The following APP variants were observed in gnomAD, a reference collection of about 807,000 sequenced individuals.
The protein encoded by APP is amyloid beta precursor protein.
APP carries 31 observed loss-of-function variants against 101.4 expected under a neutral mutation model. The ratio of observed to expected loss-of-function variants is 0.31; its 90% CI spans 0.23 to 0.41. The LOEUF (loss-of-function observed/expected upper bound fraction) is 0.41. Ranked by LOEUF, APP falls within the 10% of genes least tolerant of loss-of-function variation. The probability of loss-of-function intolerance (pLI) is 1.00; values close to 1 mark genes in which losing one functional copy is unlikely to be tolerated. For missense variants in APP, 839 were observed against 1,003.7 expected (o/e 0.84, Z 2.22); for synonymous variants, 366 against 364.4 (o/e 1.00, Z -0.05).
chr21:25,999,019 A>C (rs3787636), intron 7 of APP, among the ~76,000 whole-genome samples: 26,313 of 152,208 alleles, frequency 0.17, 2,460 homozygotes, highest in South Asian at 0.32. Context: ...GGCGGGGTGC[A>C]GTGGCTCACG....
At chr21:25,970,591 T>C (rs951568298) in intron 11 of APP, among the ~76,000 whole-genome samples, 1 of 152,228 alleles carries the variant, frequency 6.6e-6, no homozygotes, top group African/African-American at 2.4e-5. Flanking sequence ...ACAAGTGCCT[T>C]GCTAAGATAG....
intron 17 of APP, among the ~76,000 whole-genome samples, chr21:25,886,096 G>A (rs2037305036): frequency 6.6e-6 from 1 of 152,002 alleles, no homozygotes; most frequent in Admixed American, 6.6e-5. Context: ...TGGACCAGAC[G>A]AGTAAAGGAG....
intron 1 of APP, among the ~76,000 whole-genome samples, chr21:26,153,331 T>TCC: frequency 6.6e-6 from 1 of 152,170 alleles, no homozygotes; most frequent in African/African-American, 2.4e-5. Context: ...GCCCTAAACT[T>TCC]CAGTTCCTAT....
At chr21:26,056,545 C>G (rs188182703) in intron 3 of APP, among the ~76,000 whole-genome samples, 67 of 151,078 alleles carry the variant, frequency 4.4e-4, no homozygotes, top group Non-Finnish European at 7.5e-4. Flanking sequence ...CCAAGTCTGC[C>G]CACCCACCAC....
chr21:25,898,040 T>C (rs2038194790), intron 15 of APP: 1 of 266,444 alleles, frequency 3.8e-6, no homozygotes, highest in African/African-American at 2.3e-5. Context: ...CTATTATGTG[T>C]CTTTTTCCAT....
chr21:26,095,851 G>A (rs1188656162), intron 2 of APP, among the ~76,000 whole-genome samples: 1 of 152,126 alleles, frequency 6.6e-6, no homozygotes, highest in Non-Finnish European at 1.5e-5. Context: ...GCAAACATTA[G>A]CAAATCCTAA....
intron 13 of APP, among the ~76,000 whole-genome samples, chr21:25,946,153 C>A (rs1026302866): frequency 6.6e-6 from 1 of 152,114 alleles, no homozygotes; most frequent in Non-Finnish European, 1.5e-5. Flanking sequence ...ATCGTTGTAA[C>A]CTTGTTTCGG....
At chr21:26,016,083 T>C (rs532348930) in intron 6 of APP, among the ~76,000 whole-genome samples, 46 of 152,128 alleles carry the variant, frequency 3.0e-4, no homozygotes, top group African/African-American at 1.0e-3. Flanking sequence ...CAGGCTGGAG[T>C]GCAGTGGCGC....
intron 6 of APP, among the ~76,000 whole-genome samples, chr21:26,012,243 C>T (rs1468803124): frequency 6.6e-6 from 1 of 152,108 alleles, no homozygotes; most frequent in African/African-American, 2.4e-5. Flanking sequence ...AGGCGATCAT[C>T]CTGCCTCAGC....
intron 9 of APP, among the ~76,000 whole-genome samples, chr21:25,976,478 T>C (rs2042228493): frequency 6.6e-6 from 1 of 152,204 alleles, no homozygotes; most frequent in African/African-American, 2.4e-5. Context: ...TATGTGTGTG[T>C]GTGTCATGAA....
chr21:25,912,725 C>G (rs1245143543), intron 13 of APP, among the ~76,000 whole-genome samples: 1 of 148,390 alleles, frequency 6.7e-6, no homozygotes, highest in Non-Finnish European at 1.5e-5. Context: ...GCTGTCAGTG[C>G]CGCCTACCCC....
chr21:25,957,564 T>A (rs2041377461), intron 11 of APP, among the ~76,000 whole-genome samples: 2 of 152,224 alleles, frequency 1.3e-5, no homozygotes, highest in Admixed American at 1.3e-4. Context: ...GGGCTGTGAC[T>A]AATCGCATTT....
intron 14 of APP, 121 bp from the exon 15 acceptor site, chr21:25,905,198 G>A (rs2038726383): frequency 1.2e-6 from 1 of 839,964 alleles, no homozygotes; most frequent in Admixed American, 2.0e-5. Flanking sequence ...TACAAAAAAG[G>A]AGCAGCCAGA....
rs142162588 is a variant in APP at position 26,102,930 on chromosome 21, G to A, written c.225+9049C>T. ...AAAAAAAAAAAGATGAATAATTGAC[G>A]TAGTTGTATTCGAGTTGTTTCCATA... is the stretch of plus-strand genomic sequence containing the variant. On this transcript the variant is annotated intron_variant, in intron 2 of 17. Coordinates refer to ENST00000346798, the MANE Select transcript of APP (RefSeq NM_000484.4). Among the ~76,000 whole-genome samples, 280 of 145,314 alleles carry A rather than the reference G, an allele frequency of 1.9e-3. 2 individuals are homozygous for A. The highest frequency in any genetic ancestry group is 6.6e-3 in the African/African-American group (263 of 39,768).
chr21:25,916,128 G>A lies in APP; in HGVS notation c.1688-4166C>T, dbSNP rs1601393341. Among the ~76,000 whole-genome samples the A allele has an allele frequency of 2.0e-5, 3 of 151,992 alleles. No individual in the cohort carries two copies. The South Asian group carries it at 6.2e-4, about 32-fold the overall frequency. On this transcript the variant is annotated intron_variant, in intron 13 of 17. Coordinates refer to ENST00000346798, the MANE Select transcript of APP (RefSeq NM_000484.4). Reference sequence around the variant, plus strand: ...CAAGCGATTCTCCTGCCTCAGTCCCGAGTACTGTGATTACAGGCACACACT... The same window carrying A: ...CAAGCGATTCTCCTGCCTCAGTCCCAAGTACTGTGATTACAGGCACACACT...
intron 1 of APP, among the ~76,000 whole-genome samples, chr21:26,114,440 ATTAGAC>A (rs2062393059): frequency 6.6e-6 from 1 of 152,198 alleles, no homozygotes; most frequent in Non-Finnish European, 1.5e-5. Context: ...GCATGTATAT[ATTAGAC>A]TTAAAGATGC....
chr21:25,897,541 A>G, intron 16 of APP, 32 bp downstream of exon 16: 1 of 1,500,840 alleles, frequency 6.7e-7, no homozygotes, highest in Non-Finnish European at 9.3e-7. Context: ...CAAGACAAAC[A>G]GTAGTGGAAA....
rs147250723 is a variant in APP at position 25,927,206 on chromosome 21, C to G, written c.1688-15244G>C. ...TGGTGGAGCAGGGCTGAAAAGCTCC[C>G]TCTTCTAGCTAAGTGAGGCCTGCCT... On this transcript the variant is annotated intron_variant, in intron 13 of 17. Coordinates refer to ENST00000346798, the MANE Select transcript of APP (RefSeq NM_000484.4). Among the ~76,000 whole-genome samples the G allele has an allele frequency of 7.3e-3, 1,116 of 152,196 alleles. 16 individuals carry two copies. The highest frequency in any genetic ancestry group is 0.025 in the African/African-American group (1,028 of 41,526).
chr21:26,027,927 G>T (rs568661636), intron 5 of APP, among the ~76,000 whole-genome samples: 1 of 152,242 alleles, frequency 6.6e-6, no homozygotes, highest in East Asian at 1.9e-4. Flanking sequence ...TGAGGAGGTG[G>T]CTCATGCCTG....
Sources: gnomAD v4.1 joint callset for allele counts (sites outside exome capture counted in the v4.1 genomes callset) on GRCh38, gnomAD v4.1.1 for gene constraint, MANE v1.5 for transcripts, NCBI Gene and HGNC (gene_info 2026-07-23, HGNC 2026-07-21) for gene names.